The following DDC variants were observed in gnomAD, a reference collection of about 807,000 sequenced individuals.
DDC encodes the protein aromatic-L-amino-acid decarboxylase.
Under a neutral mutation model 60.0 loss-of-function variants are expected in DDC, and 43 were observed. That is an observed-to-expected ratio of 0.72 (90% CI 0.56 to 0.92). The LOEUF (loss-of-function observed/expected upper bound fraction) is 0.92. Among genes scored for constraint, DDC ranks in the 40% least tolerant of loss-of-function variants. The probability of loss-of-function intolerance (pLI) is 0.00; values close to 1 mark genes in which losing one functional copy is unlikely to be tolerated. For synonymous variants in DDC, 232 were observed against 234.6 expected (o/e 0.99, Z 0.10); for missense variants, 573 against 620.2 (o/e 0.92, Z 0.81).
At chr7:50,559,339 T>C (rs745796200) in intron 1 of DDC, among the ~76,000 whole-genome samples, 2 of 152,252 alleles carry the variant, frequency 1.3e-5, no homozygotes, top group Middle Eastern at 3.4e-3. Flanking sequence ...CGCTGTCCCA[T>C]ATGCCCACGA....
chr7:50,539,687 C>A (rs1563040263), intron 3 of DDC: 2 of 532,500 alleles, frequency 3.8e-6, no homozygotes, highest in Middle Eastern at 5.4e-4. Flanking sequence ...TCCAACACAG[C>A]CTGTGCAGAA....
chr7:50,492,053 G>A (rs1448835872), intron 9 of DDC, among the ~76,000 whole-genome samples: 2 of 150,452 alleles, frequency 1.3e-5, no homozygotes, highest in Non-Finnish European at 3.0e-5. Context: ...TTTGGACACA[G>A]GTAAACAGAA....
intron 6 of DDC, among the ~76,000 whole-genome samples, chr7:50,508,017 A>G (rs1022718546): frequency 2.0e-5 from 3 of 152,230 alleles, no homozygotes; most frequent in Non-Finnish European, 4.4e-5. Context: ...GTCCTGCCAC[A>G]TGCTGGGCAA....
intron 11 of DDC, among the ~76,000 whole-genome samples, chr7:50,474,100 G>A (rs1297862896): frequency 1.3e-5 from 2 of 152,230 alleles, no homozygotes; most frequent in Non-Finnish European, 2.9e-5. Context: ...GCTGATCAAA[G>A]GATGCTTTGA....
At chr7:50,537,401 A>G (rs2044452477) in intron 4 of DDC, among the ~76,000 whole-genome samples, 1 of 152,234 alleles carries the variant, frequency 6.6e-6, no homozygotes, top group Non-Finnish European at 1.5e-5. Flanking sequence ...TCTGGACCCT[A>G]GTTTCCTCTC....
chr7:50,469,699 C>T (rs1312922008), intron 12 of DDC, among the ~76,000 whole-genome samples: 2 of 152,178 alleles, frequency 1.3e-5, no homozygotes, highest in East Asian at 3.8e-4. Context: ...CATTTGAAGG[C>T]CAGGTGCAGT....
At chr7:50,533,058 A>T (rs1408925417) in intron 4 of DDC, among the ~76,000 whole-genome samples, 1 of 152,240 alleles carries the variant, frequency 6.6e-6, no homozygotes, top group African/African-American at 2.4e-5. Context: ...ATTGTGATGC[A>T]TCATAGAAAA....
chr7:50,500,273 G>A (rs2153539913), intron 7 of DDC, among the ~76,000 whole-genome samples: 1 of 152,238 alleles, frequency 6.6e-6, no homozygotes, highest in Non-Finnish European at 1.5e-5. Context: ...AATGAGGCGT[G>A]AGACTCTCAG....
chr7:50,481,907 G>A (rs1012973514), intron 9 of DDC, among the ~76,000 whole-genome samples: 4 of 152,062 alleles, frequency 2.6e-5, no homozygotes, highest in Non-Finnish European at 1.5e-5. Flanking sequence ...TCATTCATGC[G>A]CAGGGCTCTT....
intron 9 of DDC, among the ~76,000 whole-genome samples, chr7:50,487,014 A>G (rs2042900137): frequency 6.6e-6 from 1 of 152,190 alleles, no homozygotes; most frequent in Non-Finnish European, 1.5e-5. Flanking sequence ...AGACAACTTT[A>G]ATAGTTTAAG....
intron 1 of DDC, among the ~76,000 whole-genome samples, chr7:50,557,703 A>G (rs1016197441): frequency 6.6e-6 from 1 of 152,212 alleles, no homozygotes; most frequent in Non-Finnish European, 1.5e-5. Context: ...CACCGTCATG[A>G]GTAGATGCCA....
intron 1 of DDC, among the ~76,000 whole-genome samples, chr7:50,550,011 G>A (rs1466701205): frequency 2.0e-5 from 3 of 152,250 alleles, no homozygotes; most frequent in African/African-American, 7.2e-5. Context: ...TAAAGCAGCA[G>A]CAAGATTTAA....
Position 50,499,179 on chromosome 7 carries a change from G to A in DDC, c.845C>T (p.Pro282Leu). 6.2e-7 allele frequency: 1 copy of A among 1,613,964 alleles called. No homozygotes were observed. Among genetic ancestry groups the A allele is most frequent in the East Asian group, 2.2e-5 (1 of 44,892 alleles). Residue 282 changes from proline (P) to leucine (L), a missense_variant, in exon 8 of 15, where the codon CCT (proline) becomes CTT (leucine). By Grantham distance (98) the Pro-to-Leu change is moderately conservative. Coordinates refer to ENST00000444124, the MANE Select transcript of DDC (RefSeq NM_001082971.2). The part of the protein sequence containing the change: ...AAYAGSAFIC[P>L]EFRHLLNGVE... ...TCCATTCAGAAGGTGCCGGAACTCA[G>A]GGCAGATGAATGCACTGCCTGCGTA... is the stretch of plus-strand genomic sequence containing the variant.
intron 1 of DDC, among the ~76,000 whole-genome samples, chr7:50,557,962 T>G (rs1473756046): frequency 1.3e-5 from 2 of 150,256 alleles, no homozygotes; most frequent in Non-Finnish European, 2.9e-5. Context: ...TTTATTATTT[T>G]CATTCATGGT....
rs373966178 is a variant in DDC, at chr7:50,479,798, T to A, written c.1010A>T (p.His337Leu). The A allele has an allele frequency of 6.2e-7, 1 of 1,613,366 alleles. No individual in the cohort carries two copies. Among genetic ancestry groups the A allele is most frequent in the African/African-American group, 1.3e-5 (1 of 74,924 alleles). Residue 337 changes from histidine to leucine, a missense_variant, in exon 10 of 15, where the codon CAT (histidine) becomes CTT (leucine). Physicochemically the swap from His to Leu is moderately conservative, Grantham distance 99. Coordinates refer to ENST00000444124, the MANE Select transcript of DDC (RefSeq NM_001082971.2). Reference protein sequence around the residue: ...RLDPTYLKHSHQDSGLITDYR... With the variant: ...RLDPTYLKHSLQDSGLITDYR... Reference sequence around the variant, plus strand: ...GGCTCACAGCTTACCTGAATCCTGATGGCTGTGCTTCAGGTAAGTGGGGTC... The same window carrying A: ...GGCTCACAGCTTACCTGAATCCTGAAGGCTGTGCTTCAGGTAAGTGGGGTC...
chr7:50,517,848 C>T (rs906943896), intron 6 of DDC, among the ~76,000 whole-genome samples: 12 of 133,980 alleles, frequency 9.0e-5, no homozygotes, highest in South Asian at 2.5e-4. Flanking sequence ...AAAAAAAAAC[C>T]TTAGGAATAT....
rs371373234 is a variant in DDC at position 50,487,416 on chromosome 7, G to A, written c.945-7553C>T. On this transcript the variant is annotated intron_variant, in intron 9 of 14. Coordinates refer to ENST00000444124, the MANE Select transcript of DDC (RefSeq NM_001082971.2). Reference sequence around the variant, plus strand: ...GTTTTTGGTAAAGTTTATAAAACACGCGAGGATGTGTTTTTTGCTTAAGAA... The same window carrying A: ...GTTTTTGGTAAAGTTTATAAAACACACGAGGATGTGTTTTTTGCTTAAGAA... 5.9e-5 allele frequency among the ~76,000 whole-genome samples: 9 copies of A among 152,226 alleles called. No individual in the cohort carries two copies. The East Asian group carries it at 1.3e-3, about 23-fold the overall frequency.
intron 11 of DDC, among the ~76,000 whole-genome samples, chr7:50,475,530 A>G (rs2042622839): frequency 6.6e-6 from 1 of 152,052 alleles, no homozygotes; most frequent in Non-Finnish European, 1.5e-5. Flanking sequence ...TCACAGGAAG[A>G]AGGCAAGCTA....
chr7:50,499,430 C>G (rs1214367564), intron 7 of DDC, among the ~76,000 whole-genome samples, 188 bp from the exon 8 acceptor site: 1 of 152,180 alleles, frequency 6.6e-6, no homozygotes, highest in Non-Finnish European at 1.5e-5. Flanking sequence ...GTGTGTGCTG[C>G]TGGCCCCAGA....
Sources: gnomAD v4.1 joint callset for allele counts (sites outside exome capture counted in the v4.1 genomes callset) on GRCh38, gnomAD v4.1.1 for gene constraint, MANE v1.5 for transcripts, NCBI Gene and HGNC (gene_info 2026-07-23, HGNC 2026-07-21) for gene names.